Variants in PCDH15 observed in about 807,000 individuals in gnomAD.
The protein encoded by PCDH15 is protocadherin related 15, also known as protocadherin-15.
Under a neutral mutation model 178.5 loss-of-function variants are expected in PCDH15, and 129 were observed. That is an observed-to-expected ratio of 0.72 (90% CI 0.63 to 0.84). The LOEUF is 0.84. Ranked by LOEUF, PCDH15 falls within the 40% of genes least tolerant of loss-of-function variation. PCDH15 has a pLI of 0.00. For synonymous variants in PCDH15, 800 were observed against 732.0 expected (o/e 1.09, Z -1.50); for missense variants, 2,230 against 2,099.9 (o/e 1.06, Z -1.21).
chr10:53,959,123 T>C (rs753789887), intron 23 of PCDH15, among the ~76,000 whole-genome samples: 55 of 149,290 alleles, frequency 3.7e-4, no homozygotes, highest in Non-Finnish European at 7.1e-4. Flanking sequence ...TTGGTGTATA[T>C]GCATATAGTG....
chr10:55,466,007 A>T (rs1055401461), intron 2 of PCDH15, among the ~76,000 whole-genome samples: 1 of 152,198 alleles, frequency 6.6e-6, no homozygotes, highest in Non-Finnish European at 1.5e-5. Flanking sequence ...CATTTATTAC[A>T]TGCCTACTGT....
chr10:55,177,656 C>T (rs537060031), intron 1 of PCDH15, among the ~76,000 whole-genome samples: 1 of 152,188 alleles, frequency 6.6e-6, no homozygotes, highest in African/African-American at 2.4e-5. Context: ...AGCTAACATA[C>T]AACCATCTCC....
intron 3 of PCDH15, among the ~76,000 whole-genome samples, chr10:54,384,592 G>T (rs536366391): frequency 6.6e-6 from 1 of 152,156 alleles, no homozygotes; most frequent in South Asian, 2.1e-4. Flanking sequence ...GATGTTTGAA[G>T]AGTTTGTATT....
At chr10:54,424,231 T>C (rs537195175) in intron 3 of PCDH15, among the ~76,000 whole-genome samples, 1 of 152,048 alleles carries the variant, frequency 6.6e-6, no homozygotes, top group Admixed American at 6.5e-5. Context: ...AAAGAAGACA[T>C]TTATGCAGTC....
At chr10:54,474,496 G>A (rs774057445) in intron 3 of PCDH15, among the ~76,000 whole-genome samples, 3 of 151,814 alleles carry the variant, frequency 2.0e-5, no homozygotes, top group Non-Finnish European at 2.9e-5. Context: ...ATATGATGAC[G>A]ATCCTTTTTA....
chr10:54,634,355 ATAAT>A (rs770869523), intron 2 of PCDH15, among the ~76,000 whole-genome samples: 28 of 152,122 alleles, frequency 1.8e-4, no homozygotes, highest in Non-Finnish European at 3.7e-4. Context: ...ATTTTTAGAA[ATAAT>A]TAAAGTCTCA....
rs533309295 is a variant in PCDH15, at chr10:54,578,958, G to A, written c.92-51081C>T. ...AGACAAGCAACTGACAAGGGAATTTGTAATCACTAGACCAGCTTTACAAGG... is the reference window on the plus strand; with the variant it reads ...AGACAAGCAACTGACAAGGGAATTTATAATCACTAGACCAGCTTTACAAGG... On this transcript the variant is annotated intron_variant, in intron 2 of 37. Coordinates refer to ENST00000644397, the MANE Select transcript of PCDH15 (RefSeq NM_001384140.1). Among the ~76,000 whole-genome samples the A allele has an allele frequency of 2.0e-5, 3 of 152,194 alleles. No individual in the cohort carries two copies. The East Asian group carries it at 5.8e-4, about 29-fold the overall frequency.
At chr10:53,860,534 C>T (rs1441764327) in intron 27 of PCDH15, among the ~76,000 whole-genome samples, 1 of 151,976 alleles carries the variant, frequency 6.6e-6, no homozygotes, top group Admixed American at 6.6e-5. Flanking sequence ...AGTTTGAGAG[C>T]AGCCTGGCCA....
At chr10:55,390,934 C>T (rs1837777869) in intron 2 of PCDH15, among the ~76,000 whole-genome samples, 1 of 152,142 alleles carries the variant, frequency 6.6e-6, no homozygotes, top group Non-Finnish European at 1.5e-5. Flanking sequence ...AACATTAAGA[C>T]TTAAGGACCC....
chr10:54,399,041 A>C (rs184402032), intron 3 of PCDH15, among the ~76,000 whole-genome samples: 145 of 152,258 alleles, frequency 9.5e-4, no homozygotes, highest in African/African-American at 3.3e-3. Context: ...TTATTCTGTC[A>C]TGTCCACTTG....
chr10:54,477,447 A>G (rs2078353415), intron 3 of PCDH15, among the ~76,000 whole-genome samples: 1 of 152,138 alleles, frequency 6.6e-6, no homozygotes, highest in Non-Finnish European at 1.5e-5. Flanking sequence ...CTAGAATTGC[A>G]TCTCTACGCA....
At chr10:55,426,366 G>A (rs1838754879) in intron 2 of PCDH15, among the ~76,000 whole-genome samples, 1 of 152,120 alleles carries the variant, frequency 6.6e-6, no homozygotes, top group Non-Finnish European at 1.5e-5. Flanking sequence ...GCCGGCAGGG[G>A]TGAACTGCAC....
intron 2 of PCDH15, among the ~76,000 whole-genome samples, chr10:55,041,391 T>C (rs1840860536): frequency 6.6e-6 from 1 of 152,140 alleles, no homozygotes; most frequent in Non-Finnish European, 1.5e-5. Context: ...ATGAATCATA[T>C]AGGGAATCAT....
chr10:53,910,918 T>C lies in PCDH15; in HGVS notation c.3374-7548A>G, dbSNP rs138565168. ...AAGTGGAAAAAAGGGTGCCAGAGAT[T>C]GAAGATCAAGTTAATGAAACAAAGT... On this transcript the variant is annotated intron_variant, in intron 25 of 37. Coordinates refer to ENST00000644397, the MANE Select transcript of PCDH15 (RefSeq NM_001384140.1). Among the ~76,000 whole-genome samples the C allele has an allele frequency of 5.2e-4, 79 of 152,010 alleles. 1 individual carries two copies. The East Asian group carries it at 0.015, about 29-fold the overall frequency.
At chr10:54,973,003 T>C (rs1265436583) in intron 2 of PCDH15, among the ~76,000 whole-genome samples, 1 of 151,724 alleles carries the variant, frequency 6.6e-6, no homozygotes, top group Non-Finnish European at 1.5e-5. Context: ...TATAATATTA[T>C]TAAATTATTA....
chr10:54,716,163 G>A (rs2095477493), intron 1 of PCDH15, among the ~76,000 whole-genome samples: 2 of 152,094 alleles, frequency 1.3e-5, no homozygotes, highest in Admixed American at 1.3e-4. Flanking sequence ...TGCTCAGTCT[G>A]GTCCCACACA....
chr10:54,545,435 G>C (rs2085735063), intron 2 of PCDH15, among the ~76,000 whole-genome samples: 1 of 151,934 alleles, frequency 6.6e-6, no homozygotes, highest in Non-Finnish European at 1.5e-5. Context: ...TTTTTCTTCT[G>C]TCAAATTGTC....
At chr10:53,917,669 TA>T (rs1201094016) in intron 25 of PCDH15, among the ~76,000 whole-genome samples, 1 of 152,128 alleles carries the variant, frequency 6.6e-6, no homozygotes, top group Non-Finnish European at 1.5e-5. Flanking sequence ...GAGCTGTTTC[TA>T]AAAGATAAGA....
chr10:53,810,887 G>C (rs138656514), intron 36 of PCDH15, among the ~76,000 whole-genome samples: 2 of 152,254 alleles, frequency 1.3e-5, no homozygotes, highest in African/African-American at 2.4e-5. Flanking sequence ...ACAATAAAGA[G>C]AGTTGAGTTA....
Sources: gnomAD v4.1 joint callset for allele counts (sites outside exome capture counted in the v4.1 genomes callset) on GRCh38, gnomAD v4.1.1 for gene constraint, MANE v1.5 for transcripts, NCBI Gene and HGNC (gene_info 2026-07-23, HGNC 2026-07-21) for gene names.